The following STK39 variants were observed in gnomAD, a reference collection of about 807,000 sequenced individuals.
STK39 encodes the protein serine/threonine kinase 39.
A neutral mutation model predicts 77.8 loss-of-function variants in STK39; 20 were observed. That is an observed-to-expected ratio of 0.26 (90% CI 0.18 to 0.37). The LOEUF (loss-of-function observed/expected upper bound fraction) is 0.37. Ranked by LOEUF, STK39 falls within the 10% of genes least tolerant of loss-of-function variation. The probability of loss-of-function intolerance (pLI) is 1.00; values close to 1 mark genes in which losing one functional copy is unlikely to be tolerated. For synonymous variants in STK39, 246 were observed against 234.1 expected (o/e 1.05, Z -0.47); for missense variants, 479 against 656.5 (o/e 0.73, Z 2.95).
intron 14 of STK39, among the ~76,000 whole-genome samples, chr2:168,023,489 C>G (rs927453640): frequency 3.9e-5 from 6 of 152,110 alleles, no homozygotes; most frequent in Non-Finnish European, 5.9e-5. Context: ...ATATATTTTA[C>G]AGGATGTAGC....
chr2:168,217,313 A>T (rs1253367507), intron 1 of STK39, among the ~76,000 whole-genome samples: 1 of 152,210 alleles, frequency 6.6e-6, no homozygotes, highest in Admixed American at 6.5e-5. Context: ...CAGATTCAGC[A>T]TGAATTAGAA....
chr2:168,041,285 A>G (rs2105352378), intron 14 of STK39, among the ~76,000 whole-genome samples: 1 of 150,034 alleles, frequency 6.7e-6, no homozygotes, highest in South Asian at 2.1e-4. Flanking sequence ...TTATTATTAT[A>G]AAATATTATT....
chr2:168,045,630 G>A (rs2105358503), intron 14 of STK39, among the ~76,000 whole-genome samples: 1 of 152,240 alleles, frequency 6.6e-6, no homozygotes, highest in South Asian at 2.1e-4. Context: ...GAATGACTGT[G>A]ACAGTGGATA....
intron 16 of STK39, among the ~76,000 whole-genome samples, chr2:168,006,829 T>C (rs1684145005): frequency 6.6e-6 from 1 of 152,224 alleles, no homozygotes; most frequent in Non-Finnish European, 1.5e-5. Context: ...ACAGCACATT[T>C]CATTTCTGCA....
At chr2:168,242,546 CA>C (rs1186813675) in intron 1 of STK39, among the ~76,000 whole-genome samples, 180 of 17,538 alleles carry the variant, frequency 0.01, 8 homozygotes, top group African/African-American at 0.029. Context: ...AAGACTCTTA[CA>C]AAAAAAAAAA....
intron 16 of STK39, among the ~76,000 whole-genome samples, chr2:167,983,879 C>G (rs1345215732): frequency 1.2e-4 from 18 of 152,140 alleles, no homozygotes; most frequent in Non-Finnish European, 1.0e-4. Context: ...TCTGCTGTTT[C>G]CAACTCTCCA....
chr2:168,013,790 G>T (rs545767517), intron 15 of STK39, among the ~76,000 whole-genome samples: 1 of 140,302 alleles, frequency 7.1e-6, no homozygotes, highest in East Asian at 2.2e-4. Flanking sequence ...ATGTAAGTGG[G>T]CTGGTGTGTG....
chr2:168,002,075 ACT>A (rs1243975795), intron 16 of STK39, among the ~76,000 whole-genome samples: 2 of 152,176 alleles, frequency 1.3e-5, no homozygotes, highest in Non-Finnish European at 2.9e-5. Context: ...AAAAAGCAAG[ACT>A]CTACTGACTT....
At chr2:168,181,007 T>C (rs2105627752) in intron 2 of STK39, among the ~76,000 whole-genome samples, 1 of 152,358 alleles carries the variant, frequency 6.6e-6, no homozygotes, top group South Asian at 2.1e-4. Flanking sequence ...ATAAAAGCTA[T>C]ATTCTGAGTA....
chr2:168,108,571 T>A (rs35470423), intron 10 of STK39, among the ~76,000 whole-genome samples: 2,139 of 144,760 alleles, frequency 0.015, 28 homozygotes, highest in Middle Eastern at 0.059. Flanking sequence ...GAAAAGAAAA[T>A]AAAAAAAAAA....
intron 13 of STK39, among the ~76,000 whole-genome samples, chr2:168,064,807 A>G (rs1685752786): frequency 6.6e-6 from 1 of 152,168 alleles, no homozygotes; most frequent in Non-Finnish European, 1.5e-5. Context: ...ATTGCTCAGC[A>G]TCCCTCAACA....
chr2:168,224,722 G>A (rs1471486565), intron 1 of STK39, among the ~76,000 whole-genome samples: 1 of 152,048 alleles, frequency 6.6e-6, no homozygotes, highest in Non-Finnish European at 1.5e-5. Flanking sequence ...GTGCTAAAAA[G>A]GCATTTTTAA....
intron 1 of STK39, among the ~76,000 whole-genome samples, chr2:168,195,962 G>A (rs1312997046): frequency 6.6e-6 from 1 of 151,870 alleles, no homozygotes; most frequent in South Asian, 2.1e-4. Context: ...GATTGCAGTG[G>A]GCCAAGATCG....
intron 1 of STK39, among the ~76,000 whole-genome samples, chr2:168,207,420 C>T (rs185403125): frequency 1.6e-4 from 24 of 152,280 alleles, no homozygotes; most frequent in Admixed American, 1.3e-3. Flanking sequence ...CCTTATGTCT[C>T]ATTTTGACTC....
intron 16 of STK39, among the ~76,000 whole-genome samples, chr2:168,004,930 ACAGCT>A (rs993026596): frequency 6.7e-6 from 1 of 150,260 alleles, no homozygotes; most frequent in African/African-American, 2.5e-5. Flanking sequence ...CAGGCATCTC[ACAGCT>A]CATACTTTGA....
intron 10 of STK39, among the ~76,000 whole-genome samples, chr2:168,115,237 A>T (rs564245608): frequency 6.6e-6 from 1 of 152,238 alleles, no homozygotes; most frequent in Non-Finnish European, 1.5e-5. Flanking sequence ...AATGCCAAAA[A>T]TAAATAATAT....
intron 10 of STK39, among the ~76,000 whole-genome samples, chr2:168,123,270 A>T (rs1412710924): frequency 6.6e-6 from 1 of 152,242 alleles, no homozygotes; most frequent in Non-Finnish European, 1.5e-5. Flanking sequence ...TCTGAACTGA[A>T]TCCTGGACCA....
At chr2:168,004,069 C>A (rs1465118653) in intron 16 of STK39, among the ~76,000 whole-genome samples, 1 of 152,226 alleles carries the variant, frequency 6.6e-6, no homozygotes, top group Non-Finnish European at 1.5e-5. Context: ...ATGCTCATGA[C>A]TGAGCAGAGA....
chr2:168,214,436 T>A (rs1689974643), intron 1 of STK39, among the ~76,000 whole-genome samples: 1 of 152,202 alleles, frequency 6.6e-6, no homozygotes, highest in South Asian at 2.1e-4. Context: ...TCCATTTGTA[T>A]TCTGGATATG....
Sources: allele counts gnomAD v4.1 joint callset (sites outside exome capture counted in the v4.1 genomes callset), GRCh38; gene constraint gnomAD v4.1.1; transcripts MANE v1.5; gene names NCBI Gene and HGNC (gene_info 2026-07-23, HGNC 2026-07-21).